The following LRRTM4 variants were observed in gnomAD, a reference collection of about 807,000 sequenced individuals.
LRRTM4 encodes the protein leucine rich repeat transmembrane neuronal 4.
In LRRTM4, 25 loss-of-function variants were observed where a neutral mutation model predicts 47.6. The ratio of observed to expected loss-of-function variants is 0.53; its 90% CI spans 0.38 to 0.73. The LOEUF (loss-of-function observed/expected upper bound fraction) is 0.73, where lower values mean the gene tolerates loss of function less well. Among genes scored for constraint, LRRTM4 ranks in the 30% least tolerant of loss-of-function variants. The probability of loss-of-function intolerance (pLI) is 0.00; values close to 1 mark genes in which losing one functional copy is unlikely to be tolerated. For synonymous variants in LRRTM4, 311 were observed against 269.5 expected (o/e 1.15, Z -1.51); for missense variants, 638 against 713.4 (o/e 0.89, Z 1.20).
chr2:77,466,842 G>A (rs1222978707), intron 3 of LRRTM4, among the ~76,000 whole-genome samples: 2 of 151,806 alleles, frequency 1.3e-5, no homozygotes, highest in African/African-American at 2.4e-5. Flanking sequence ...GGGACTACAG[G>A]TGCCTGCCAA....
chr2:77,196,288 T>A (rs1055323838), intron 3 of LRRTM4, among the ~76,000 whole-genome samples: 3 of 152,214 alleles, frequency 2.0e-5, no homozygotes, highest in Non-Finnish European at 4.4e-5. Context: ...ATCTATCTAT[T>A]CTTAAACATT....
intron 3 of LRRTM4, among the ~76,000 whole-genome samples, chr2:77,490,706 C>G (rs1361359358): frequency 6.6e-6 from 1 of 152,164 alleles, no homozygotes; most frequent in Non-Finnish European, 1.5e-5. Context: ...TGAACTGCGT[C>G]TGAAAGCATC....
intron 3 of LRRTM4, among the ~76,000 whole-genome samples, chr2:76,804,228 ATAT>A (rs760817791): frequency 3.3e-5 from 5 of 152,166 alleles, no homozygotes. Flanking sequence ...TTTGTTGAAG[ATAT>A]TATGTAGAAA....
chr2:77,015,661 G>A (rs1678040180), intron 3 of LRRTM4, among the ~76,000 whole-genome samples: 1 of 134,622 alleles, frequency 7.4e-6, no homozygotes, highest in Non-Finnish European at 1.5e-5. Flanking sequence ...GCCACTGGAT[G>A]TATTTTTGAA....
chr2:76,857,945 G>T (rs1672202943), intron 3 of LRRTM4, among the ~76,000 whole-genome samples: 2 of 152,068 alleles, frequency 1.3e-5, no homozygotes, highest in Admixed American at 1.3e-4. Context: ...ACTCCAACAG[G>T]TACTAGAGTG....
intron 3 of LRRTM4, among the ~76,000 whole-genome samples, chr2:77,066,033 T>C (rs1457747023): frequency 2.6e-5 from 4 of 152,066 alleles, no homozygotes; most frequent in South Asian, 2.1e-4. Flanking sequence ...GATGGTGCAA[T>C]AGAAGCTACA....
chr2:77,070,952 A>C (rs58569372), intron 3 of LRRTM4, among the ~76,000 whole-genome samples: 1 of 151,932 alleles, frequency 6.6e-6, no homozygotes, highest in Non-Finnish European at 1.5e-5. Flanking sequence ...TTTTAAAATT[A>C]AATGGCTGTT....
intron 3 of LRRTM4, among the ~76,000 whole-genome samples, chr2:76,766,857 C>G (rs62170451): frequency 0.12 from 18,296 of 152,042 alleles, 1,318 homozygotes; most frequent in Non-Finnish European, 0.17. Context: ...TGCAGAATAC[C>G]CTGTTACCCC....
chr2:76,904,068 GCT>G (rs1450906772), intron 3 of LRRTM4, among the ~76,000 whole-genome samples: 6 of 152,206 alleles, frequency 3.9e-5, no homozygotes, highest in Non-Finnish European at 8.8e-5. Context: ...ACTGGTGACA[GCT>G]CTGATTCCCA....
At position 77,245,631 on chromosome 2, in the gene LRRTM4, T is replaced by TTG. The variant is rs150105152; in HGVS notation, c.1551+272685_1551+272686dup. Among the ~76,000 whole-genome samples, 206 of 152,014 alleles carry TTG rather than the reference T, an allele frequency of 1.4e-3. 2 individuals carry two copies. Among genetic ancestry groups the TTG allele is most frequent in the African/African-American group, 4.7e-3 (193 of 41,472 alleles). Reference sequence around the variant, plus strand: ...AGGATTCACTTTAAACACTTTTTTTTTGTGATACCTTCTAGTGTCAACATG... The same window carrying TTG: ...AGGATTCACTTTAAACACTTTTTTTTTGTGTGATACCTTCTAGTGTCAACATG... On this transcript the variant is annotated intron_variant, in intron 3 of 3. Coordinates refer to ENST00000409884, the MANE Select transcript of LRRTM4 (RefSeq NM_001134745.3).
chr2:76,984,510 G>T (rs1308082654), intron 3 of LRRTM4, among the ~76,000 whole-genome samples: 1 of 151,840 alleles, frequency 6.6e-6, no homozygotes, highest in Non-Finnish European at 1.5e-5. Flanking sequence ...TTGGCCTATG[G>T]GACTTAAGGA....
intron 3 of LRRTM4, among the ~76,000 whole-genome samples, chr2:77,011,530 T>TG (rs1677873536): frequency 1.1e-5 from 1 of 92,272 alleles, no homozygotes; most frequent in Non-Finnish European, 2.3e-5. Context: ...GGAAGAAGCA[T>TG]TTGTGTGTGT....
chr2:77,375,415 CCTT>C (rs770426288), intron 3 of LRRTM4, among the ~76,000 whole-genome samples: 1 of 151,646 alleles, frequency 6.6e-6, no homozygotes, highest in African/African-American at 2.4e-5. Context: ...TCCTTGCACA[CCTT>C]CTTGTTTGTT....
At chr2:77,296,845 G>T (rs1309774365) in intron 3 of LRRTM4, among the ~76,000 whole-genome samples, 5 of 152,100 alleles carry the variant, frequency 3.3e-5, no homozygotes, top group Admixed American at 6.5e-5. Flanking sequence ...GCAGTACTTT[G>T]GTAAAGGAAT....
intron 3 of LRRTM4, among the ~76,000 whole-genome samples, chr2:76,924,959 T>C (rs969705778): frequency 3.9e-5 from 6 of 151,964 alleles, no homozygotes; most frequent in Non-Finnish European, 5.9e-5. Context: ...AAGACCTCTA[T>C]TGACACGTGC....
intron 3 of LRRTM4, among the ~76,000 whole-genome samples, chr2:77,189,342 C>T (rs1301576786): frequency 1.3e-5 from 2 of 152,082 alleles, no homozygotes; most frequent in Non-Finnish European, 2.9e-5. Context: ...CATTAAATTG[C>T]TTTTGTGCCT....
intron 3 of LRRTM4, among the ~76,000 whole-genome samples, chr2:77,341,166 G>C (rs1389990321): frequency 6.6e-6 from 1 of 151,880 alleles, no homozygotes; most frequent in African/African-American, 2.4e-5. Flanking sequence ...TAAAGACTGG[G>C]ACAGAGTCCT....
chr2:77,056,432 G>T (rs1679611884), intron 3 of LRRTM4, among the ~76,000 whole-genome samples: 1 of 152,016 alleles, frequency 6.6e-6, no homozygotes, highest in Non-Finnish European at 1.5e-5. Context: ...ACAAGACTAA[G>T]ATCAACATAT....
intron 3 of LRRTM4, among the ~76,000 whole-genome samples, chr2:76,889,807 T>C (rs1264784302): frequency 1.3e-5 from 2 of 151,348 alleles, no homozygotes; most frequent in African/African-American, 4.9e-5. Context: ...AGGCAAATAA[T>C]AGAGTAGAGA....
Sources: allele counts gnomAD v4.1 joint callset (sites outside exome capture counted in the v4.1 genomes callset), GRCh38; gene constraint gnomAD v4.1.1; transcripts MANE v1.5; gene names NCBI Gene and HGNC (gene_info 2026-07-23, HGNC 2026-07-21).